The following BEGAIN variants were observed in gnomAD, a reference collection of about 807,000 sequenced individuals.
BEGAIN encodes brain enriched guanylate kinase associated.
A neutral mutation model predicts 35.8 loss-of-function variants in BEGAIN; 19 were observed. The ratio of observed to expected loss-of-function variants is 0.53; its 90% CI spans 0.37 to 0.78. The LOEUF is 0.78. Among genes scored for constraint, BEGAIN ranks in the 30% least tolerant of loss-of-function variants. The pLI, the probability that BEGAIN is intolerant of heterozygous loss-of-function variation, is 0.00. For missense variants in BEGAIN, 795 were observed against 853.6 expected (o/e 0.93, Z 0.85); for synonymous variants, 462 against 388.6 (o/e 1.19, Z -2.22).
chr14:100,560,532 C>T (rs1338502782), intron 2 of BEGAIN, among the ~76,000 whole-genome samples: 1 of 152,144 alleles, frequency 6.6e-6, no homozygotes, highest in African/African-American at 2.4e-5. Flanking sequence ...GCCAGGGCAG[C>T]CTCCCCTCCC....
At chr14:100,552,478 T>G (rs2033301113) in intron 2 of BEGAIN, among the ~76,000 whole-genome samples, 1 of 152,208 alleles carries the variant, frequency 6.6e-6, no homozygotes, top group Admixed American at 6.5e-5. Context: ...CAAGCCTCGG[T>G]GAGGACCAGG....
At chr14:100,553,676 C>T (rs1300787752) in intron 2 of BEGAIN, among the ~76,000 whole-genome samples, 2 of 152,166 alleles carry the variant, frequency 1.3e-5, no homozygotes, top group Non-Finnish European at 2.9e-5. Context: ...TCAGATGCCA[C>T]CTCTTCCAGG....
At chr14:100,559,956 C>G (rs912855675) in intron 2 of BEGAIN, among the ~76,000 whole-genome samples, 1 of 152,218 alleles carries the variant, frequency 6.6e-6, no homozygotes, top group Non-Finnish European at 1.5e-5. Flanking sequence ...ATCTGCCCTC[C>G]CTCCCAAAGC....
chr14:100,576,573 C>T (rs1165815672), intron 1 of BEGAIN, among the ~76,000 whole-genome samples: 1 of 152,212 alleles, frequency 6.6e-6, no homozygotes, highest in Non-Finnish European at 1.5e-5. Flanking sequence ...ATCCCACGGC[C>T]TCCGTCTCCA....
chr14:100,584,725 T>C (rs2035396749), intron 1 of BEGAIN, among the ~76,000 whole-genome samples: 1 of 152,152 alleles, frequency 6.6e-6, no homozygotes, highest in African/African-American at 2.4e-5. Flanking sequence ...AAGCTTCTGA[T>C]ACGGAGCCCT....
chr14:100,562,776 G>A (rs1029701013), intron 2 of BEGAIN, among the ~76,000 whole-genome samples: 1 of 152,022 alleles, frequency 6.6e-6, no homozygotes, highest in Non-Finnish European at 1.5e-5. Context: ...CCTGCTCCCC[G>A]CCCCCCACTC....
chr14:100,576,337 G>A (rs1224279004), intron 1 of BEGAIN, among the ~76,000 whole-genome samples: 2 of 152,164 alleles, frequency 1.3e-5, no homozygotes, highest in African/African-American at 2.4e-5. Flanking sequence ...GGCCCAACCC[G>A]GCTCCTCCAC....
chr14:100,573,019 C>T lies in BEGAIN; in HGVS notation c.43-5080G>A, dbSNP rs1317916581. 6.6e-6 allele frequency among the ~76,000 whole-genome samples: 1 copy of T among 151,884 alleles called. No individual in the cohort carries two copies. The highest frequency in any genetic ancestry group is 2.4e-5 in the African/African-American group (1 of 41,322). ...AGAGATGAATCAGTACACCACCCCT[C>T]CCACCCTGTATGTCCGACGGGGATA... On this transcript the variant is annotated intron_variant, in intron 1 of 6. Transcript: ENST00000554140. This position sits in a 1 kb window ranked among gnomAD's most constrained non-coding sequence, Gnocchi z 4.2.
intron 2 of BEGAIN, among the ~76,000 whole-genome samples, chr14:100,560,506 C>T (rs768314203): frequency 7.2e-5 from 11 of 152,182 alleles, no homozygotes; most frequent in Non-Finnish European, 1.5e-4. Context: ...ACCTCAGCAG[C>T]CTGGGGTGGT....
chr14:100,581,398 C>G (rs111453260), intron 1 of BEGAIN, among the ~76,000 whole-genome samples: 9 of 152,120 alleles, frequency 5.9e-5, no homozygotes, highest in Non-Finnish European at 1.0e-4. Flanking sequence ...TGCCGGCTAC[C>G]GTGGGCTCAC....
intron 1 of BEGAIN, among the ~76,000 whole-genome samples, chr14:100,570,928 G>C (rs1024375173): frequency 2.0e-5 from 3 of 152,180 alleles, no homozygotes; most frequent in African/African-American, 7.2e-5. Context: ...GGAGAACCGC[G>C]GCGCTGCCTG....
At chr14:100,543,312 T>G (rs890909564) in intron 5 of BEGAIN, among the ~76,000 whole-genome samples, 4 of 152,068 alleles carry the variant, frequency 2.6e-5, no homozygotes, top group Admixed American at 6.5e-5. Flanking sequence ...TTTTGTTTTT[T>G]TTTTTGCCTG....
At position 100,567,915 on chromosome 14, in the gene BEGAIN, G is replaced by A. The variant is rs2034848666; in HGVS notation, c.67C>T (p.Leu23Phe). The change falls in exon 2 of 7, where the codon CTC (leucine) becomes TTC (phenylalanine). Residue 23 changes from leucine to phenylalanine, a missense_variant. By Grantham distance (22) the Leu-to-Phe change is conservative (BLOSUM62 0). Transcript: ENST00000554140. This position sits in a 1 kb window ranked among gnomAD's most constrained non-coding sequence, Gnocchi z 5.1. ...CACGGGAGACGCTCCACTCACCTGA[G>A]TTTCTCCATGTCTGCGGCAGAGGCC... is the stretch of plus-strand genomic sequence containing the variant. ...RAASAADMEK[L>F]SALQEQKGEL... 1 of 1,467,230 alleles carries A rather than the reference G, an allele frequency of 6.8e-7. No individual in the cohort carries two copies. The highest frequency in any genetic ancestry group is 3.1e-5 in the East Asian group (1 of 32,104). The allele number at this position is 1,467,230 out of a possible 1,614,324, so 90.9% of individuals were successfully genotyped here.
chr14:100,575,644 G>C lies in BEGAIN; in HGVS notation c.43-7705C>G, dbSNP rs1276047726. On this transcript the variant is annotated intron_variant, in intron 1 of 6. Transcript: ENST00000554140. ...GAGATACGATCCTGGGGGGCTGGTG[G>C]GGGAAGGTGGGGTGCAGCAGGAGTT... Among the ~76,000 whole-genome samples, 4 of 152,150 alleles carry C rather than the reference G, an allele frequency of 2.6e-5. No individual in the cohort carries two copies. The East Asian group carries it at 7.7e-4, about 29-fold the overall frequency.
At chr14:100,581,231 C>A (rs747747916) in intron 1 of BEGAIN, among the ~76,000 whole-genome samples, 1 of 152,210 alleles carries the variant, frequency 6.6e-6, no homozygotes, top group African/African-American at 2.4e-5. Context: ...CTGATGTGGC[C>A]GTTTCACTAG....
At position 100,538,927 on chromosome 14, in the gene BEGAIN, G is replaced by T. The variant is rs139028547; in HGVS notation, c.881C>A (p.Ala294Glu). The change falls in exon 7 of 7, where the codon GCG (alanine) becomes GAG (glutamate). Residue 294 changes from alanine (A) to glutamate (E), a missense_variant. This residue lies in a region of BEGAIN where 664 missense variants were observed against 647.7 expected (regional missense o/e 1.03). Coordinates refer to ENST00000554140, the MANE Select transcript of BEGAIN (RefSeq NM_001385089.1). ...CTGGAAGCCCGCCGGGAAGGCCGCC[G>T]CCTCGGCCTCCTCCTCCTCCTCGGC... ...SAAEEEEEAE[A>E]AAFPAGFQHE... 2.5e-6 allele frequency: 4 copies of T among 1,607,820 alleles called. No homozygotes were observed. The highest frequency in any genetic ancestry group is 8.5e-7 in the Non-Finnish European group (1 of 1,177,960).
chr14:100,560,044 G>A (rs892948906), intron 2 of BEGAIN, among the ~76,000 whole-genome samples: 7 of 152,238 alleles, frequency 4.6e-5, no homozygotes, highest in African/African-American at 1.4e-4. Flanking sequence ...GGGGGGCTGA[G>A]AGGGTCATGT....
chr14:100,569,070 CT>C, intron 1 of BEGAIN: 1 of 376,764 alleles, frequency 2.7e-6, no homozygotes, highest in Non-Finnish European at 3.7e-6. Flanking sequence ...GCCCCGGGGC[CT>C]CGGCCAGGCT....
chr14:100,560,479 G>C (rs1430246067), intron 2 of BEGAIN, among the ~76,000 whole-genome samples: 11 of 152,176 alleles, frequency 7.2e-5, no homozygotes, highest in Admixed American at 6.5e-4. Flanking sequence ...ACATGGCTGG[G>C]GCCTGTGGGG....
Sources: gnomAD v4.1 joint callset for allele counts (sites outside exome capture counted in the v4.1 genomes callset) on GRCh38, gnomAD v4.1.1 for gene constraint, gnomAD v4.1.1 regional missense constraint, Gnocchi (gnomAD v3.1) non-coding constraint, MANE v1.5 for transcripts, NCBI Gene and HGNC (gene_info 2026-07-23, HGNC 2026-07-21) for gene names.